Variants in ADAMTS19 observed in about 807,000 individuals in gnomAD.
The protein encoded by ADAMTS19 is A disintegrin and metalloproteinase with thrombospondin motifs 19.
Under a neutral mutation model 153.3 loss-of-function variants are expected in ADAMTS19, and 93 were observed. The ratio of observed to expected loss-of-function variants is 0.61; its 90% CI spans 0.51 to 0.72. ADAMTS19 has a LOEUF of 0.72. ADAMTS19 is among the 30% of genes least tolerant of loss of function. ADAMTS19 has a pLI of 0.00. For synonymous variants in ADAMTS19, 600 were observed against 556.6 expected (o/e 1.08, Z -1.10); for missense variants, 1,482 against 1,552.1 (o/e 0.95, Z 0.76).
intron 7 of ADAMTS19, among the ~76,000 whole-genome samples, chr5:129,561,816 C>CCTT (rs1753529867): frequency 6.9e-6 from 1 of 145,708 alleles, no homozygotes; most frequent in African/African-American, 2.6e-5. Flanking sequence ...CACATTTCAC[C>CCTT]CTACTATCTA....
chr5:129,557,642 C>A (rs1419668215), intron 7 of ADAMTS19, among the ~76,000 whole-genome samples: 2 of 151,984 alleles, frequency 1.3e-5, no homozygotes, highest in African/African-American at 4.8e-5. Context: ...AATCTACCTA[C>A]AAAAATACTA....
At chr5:129,569,315 T>C (rs992976400) in intron 7 of ADAMTS19, among the ~76,000 whole-genome samples, 3 of 152,126 alleles carry the variant, frequency 2.0e-5, no homozygotes, top group African/African-American at 4.8e-5. Flanking sequence ...CACTTAACAA[T>C]AGAGCTTTAA....
At chr5:129,542,869 A>C (rs1427639494) in intron 6 of ADAMTS19, among the ~76,000 whole-genome samples, 2 of 152,126 alleles carry the variant, frequency 1.3e-5, no homozygotes, top group Non-Finnish European at 2.9e-5. Flanking sequence ...ACTTTTCAAC[A>C]TCCATTCTGT....
chr5:129,523,728 G>A lies in ADAMTS19; in HGVS notation c.914-2556G>A, dbSNP rs1041136241. On this transcript the variant is annotated intron_variant, in intron 3 of 22. Transcript: ENST00000274487. ...TAACTACCACTGGGATCAGACTATA[G>A]AGAATACCTAGGAATTCAACTTGCA... 2.0e-5 allele frequency among the ~76,000 whole-genome samples: 3 copies of A among 151,872 alleles called. No individual in the cohort carries two copies. The East Asian group carries it at 5.8e-4, about 29-fold the overall frequency.
At chr5:129,657,530 T>C (rs1753597772) in intron 14 of ADAMTS19, among the ~76,000 whole-genome samples, 1 of 152,144 alleles carries the variant, frequency 6.6e-6, no homozygotes, top group South Asian at 2.1e-4. Flanking sequence ...CAATGGGAAG[T>C]AAACATTATT....
At chr5:129,684,473 A>T (rs1235727059) in intron 18 of ADAMTS19, among the ~76,000 whole-genome samples, 200 bp downstream of exon 18, 2 of 141,368 alleles carry the variant, frequency 1.4e-5, no homozygotes, top group Non-Finnish European at 3.2e-5. Flanking sequence ...TAGGATTGTT[A>T]ACATATCTCA....
At chr5:129,662,949 C>G (rs1753880850) in intron 15 of ADAMTS19, among the ~76,000 whole-genome samples, 1 of 133,598 alleles carries the variant, frequency 7.5e-6, no homozygotes, top group South Asian at 2.5e-4. Context: ...GGCTGGAGTA[C>G]AGTGGCACAA....
intron 21 of ADAMTS19, among the ~76,000 whole-genome samples, chr5:129,712,581 A>AT (rs796406941): frequency 4.2e-4 from 64 of 151,264 alleles, no homozygotes; most frequent in East Asian, 3.3e-3. Context: ...AAGAGAATGG[A>AT]TTTTTTTTTG....
chr5:129,735,003 T>C lies in ADAMTS19; in HGVS notation c.3384T>C (p.His1128=), dbSNP rs760329667. The change falls in exon 22 of 23, where the codon CAT becomes CAC. Residue 1128 remains histidine (H), a synonymous_variant. Transcript: ENST00000274487. ...GCATGCATAAGATCACAGGAAGACA[T>C]GGAAATGAATGTTTTTCCTCAGAAA... ...IQCMHKITGR[H]GNECFSSEKP... 2.5e-6 allele frequency: 4 copies of C among 1,612,064 alleles called. No homozygotes were observed. In the Admixed American group the frequency reaches 6.7e-5, roughly 27 times the overall value.
chr5:129,605,688 G>C (rs1750858988), intron 8 of ADAMTS19, among the ~76,000 whole-genome samples: 1 of 152,038 alleles, frequency 6.6e-6, no homozygotes, highest in South Asian at 2.1e-4. Context: ...CATATTCCCA[G>C]CATGTTAGCC....
chr5:129,666,732 C>T (rs563356479), intron 16 of ADAMTS19, among the ~76,000 whole-genome samples: 1 of 152,224 alleles, frequency 6.6e-6, no homozygotes, highest in African/African-American at 2.4e-5. Context: ...ATAGATCATA[C>T]AAGATTTTCA....
At chr5:129,508,980 A>C in intron 2 of ADAMTS19, 97 bp from the exon 3 acceptor site, 1 of 1,023,054 alleles carries the variant, frequency 9.8e-7, no homozygotes, top group Non-Finnish European at 1.4e-6. Context: ...GACTGTATGC[A>C]TGTTTGTTAA....
intron 2 of ADAMTS19, among the ~76,000 whole-genome samples, chr5:129,475,697 G>A (rs1750202380): frequency 6.6e-6 from 1 of 152,152 alleles, no homozygotes; most frequent in Admixed American, 6.5e-5. Flanking sequence ...GCAGAGCAGG[G>A]TGGTGGGCAC....
intron 7 of ADAMTS19, among the ~76,000 whole-genome samples, chr5:129,567,015 C>T (rs1166472095): frequency 6.6e-6 from 1 of 151,990 alleles, no homozygotes; most frequent in Non-Finnish European, 1.5e-5. Flanking sequence ...CGAAAAAGAG[C>T]ATGGAGAGGG....
intron 7 of ADAMTS19, among the ~76,000 whole-genome samples, chr5:129,571,222 A>AT (rs1047172051): frequency 4.6e-5 from 7 of 151,946 alleles, no homozygotes; most frequent in African/African-American, 1.7e-4. Context: ...ATCAAAGAAT[A>AT]TAAGATTAAC....
chr5:129,465,758 A>G (rs1481671610), intron 2 of ADAMTS19, among the ~76,000 whole-genome samples: 2 of 152,216 alleles, frequency 1.3e-5, no homozygotes, highest in African/African-American at 4.8e-5. Context: ...TGAAAAAATT[A>G]AGATTACAGA....
At chr5:129,574,096 G>A (rs1309016063) in intron 7 of ADAMTS19, among the ~76,000 whole-genome samples, 2 of 151,902 alleles carry the variant, frequency 1.3e-5, no homozygotes, top group Non-Finnish European at 2.9e-5. Context: ...AGAATTCAAT[G>A]CAATAAGAGA....
chr5:129,505,304 G>C (rs919042527), intron 2 of ADAMTS19, among the ~76,000 whole-genome samples: 1 of 152,116 alleles, frequency 6.6e-6, no homozygotes, highest in African/African-American at 2.4e-5. Flanking sequence ...TTGGAAGTGA[G>C]ATAGTTGAAG....
intron 2 of ADAMTS19, among the ~76,000 whole-genome samples, chr5:129,504,376 A>G (rs1751200648): frequency 6.6e-6 from 1 of 152,218 alleles, no homozygotes; most frequent in South Asian, 2.1e-4. Flanking sequence ...ACTTTAAATG[A>G]CAAAAATTAC....
Sources: gnomAD v4.1 joint callset for allele counts (sites outside exome capture counted in the v4.1 genomes callset) on GRCh38, gnomAD v4.1.1 for gene constraint, MANE v1.5 for transcripts, NCBI Gene and HGNC (gene_info 2026-07-23, HGNC 2026-07-21) for gene names.